Variants in GLI2 observed in about 807,000 individuals in gnomAD.
The protein encoded by GLI2 is GLI family zinc finger 2.
In GLI2, 22 loss-of-function variants were observed where a neutral mutation model predicts 78.9. The observed-to-expected ratio is 0.28, with a 90% CI of 0.20 to 0.40. GLI2 has a LOEUF of 0.40. GLI2 is among the 10% of genes least tolerant of loss of function. The pLI, the probability that GLI2 is intolerant of heterozygous loss-of-function variation, is 1.00. For missense variants in GLI2, 2,097 were observed against 2,213.2 expected (o/e 0.95, Z 1.05); for synonymous variants, 974 against 963.7 (o/e 1.01, Z -0.20).
At chr2:120,842,885 G>T (rs1686952547) in intron 2 of GLI2, among the ~76,000 whole-genome samples, 1 of 152,178 alleles carries the variant, frequency 6.6e-6, no homozygotes, top group Non-Finnish European at 1.5e-5. Context: ...TAGTTTTCTT[G>T]TTGTTTTTGA....
At chr2:120,974,456 G>A (rs1682347293) in intron 8 of GLI2, among the ~76,000 whole-genome samples, 1 of 152,202 alleles carries the variant, frequency 6.6e-6, no homozygotes, top group Admixed American at 6.5e-5. Flanking sequence ...CCTGTGATCA[G>A]GTCAAGGAAT....
intron 2 of GLI2, among the ~76,000 whole-genome samples, chr2:120,924,941 A>G (rs954740775): frequency 6.6e-6 from 1 of 152,236 alleles, no homozygotes; most frequent in Non-Finnish European, 1.5e-5. Flanking sequence ...CACCACAGCC[A>G]TGTAGGTAGT....
intron 1 of GLI2, among the ~76,000 whole-genome samples, chr2:120,781,898 C>T (rs1573372715): frequency 6.6e-6 from 1 of 150,668 alleles, no homozygotes; most frequent in African/African-American, 2.5e-5. Flanking sequence ...AAAAAAAGAA[C>T]ATTACCAAAA....
chr2:120,808,949 C>T (rs1164231947), intron 2 of GLI2, among the ~76,000 whole-genome samples: 1 of 152,178 alleles, frequency 6.6e-6, no homozygotes, highest in African/African-American at 2.4e-5. Context: ...GCCCACATGC[C>T]TGGCCCCCTG....
rs77590855 is a variant in GLI2, at chr2:120,815,407, A to C, written c.148+17939A>C. 3.4e-4 allele frequency among the ~76,000 whole-genome samples: 52 copies of C among 152,268 alleles called. No individual in the cohort carries two copies. In the East Asian group the frequency reaches 0.01, roughly 29 times the overall value. Reference sequence around the variant, plus strand: ...GATTCTGCCCAAAAGTTGGGGGCGGAAGTGAGAGTAAAAGCTGACTTGCTA... The same window carrying C: ...GATTCTGCCCAAAAGTTGGGGGCGGCAGTGAGAGTAAAAGCTGACTTGCTA... On this transcript the variant is annotated intron_variant, in intron 2 of 13. Transcript: ENST00000361492.
At chr2:120,746,583 C>A (rs1464540470) in intron 1 of GLI2, among the ~76,000 whole-genome samples, 1 of 152,160 alleles carries the variant, frequency 6.6e-6, no homozygotes, top group Non-Finnish European at 1.5e-5. Context: ...GAAGATCTAT[C>A]TCTTTGCTGG....
At position 120,918,531 on chromosome 2, in the gene GLI2, C is replaced by T. The variant is rs112441587; in HGVS notation, c.149-8830C>T. Among the ~76,000 whole-genome samples the T allele has an allele frequency of 2.2e-3, 340 of 151,482 alleles. 2 individuals are homozygous for T. The highest frequency in any genetic ancestry group is 8.0e-3 in the African/African-American group (328 of 41,242). Reference sequence around the variant, plus strand: ...TCTCAGCTCACTGCAACCTCCAGCTCCCAGGTTCAAGTTATTCTCCTGCCT... The same window carrying T: ...TCTCAGCTCACTGCAACCTCCAGCTTCCAGGTTCAAGTTATTCTCCTGCCT... On this transcript the variant is annotated intron_variant, in intron 2 of 13. Coordinates refer to ENST00000361492, the MANE Select transcript of GLI2 (RefSeq NM_001374353.1).
At chr2:120,926,723 C>T (rs780076663) in intron 2 of GLI2, among the ~76,000 whole-genome samples, 1 of 152,224 alleles carries the variant, frequency 6.6e-6, no homozygotes, top group Non-Finnish European at 1.5e-5. Context: ...GAAACTGACA[C>T]GCACGTGCTG....
chr2:120,778,223 G>A (rs1294975828), intron 1 of GLI2, among the ~76,000 whole-genome samples: 2 of 152,218 alleles, frequency 1.3e-5, no homozygotes, highest in East Asian at 1.9e-4. Context: ...TGGCCTCCTC[G>A]CTCCCGATTC....
At position 120,785,774 on chromosome 2, in the gene GLI2, G is replaced by C. The variant is rs565340889; in HGVS notation, c.-30-11517G>C. Among the ~76,000 whole-genome samples the C allele has an allele frequency of 6.6e-5, 10 of 152,318 alleles. No homozygotes were observed. In the South Asian group the frequency reaches 2.1e-3, roughly 32 times the overall value. On this transcript the variant is annotated intron_variant, in intron 1 of 13. Transcript: ENST00000361492. ...AAATTCCTGTCTCCATCCAATCATG[G>C]CATAACACTGTACTCCCTGGGGGTC...
intron 2 of GLI2, among the ~76,000 whole-genome samples, chr2:120,842,712 T>G (rs1686945379): frequency 6.6e-6 from 1 of 152,222 alleles, no homozygotes; most frequent in Non-Finnish European, 1.5e-5. Context: ...AACCTATAGT[T>G]ACAAGAATTT....
intron 2 of GLI2, among the ~76,000 whole-genome samples, chr2:120,859,114 G>C (rs907335753): frequency 2.6e-5 from 4 of 152,194 alleles, no homozygotes; most frequent in African/African-American, 9.7e-5. Context: ...CTAGGGCTGG[G>C]CTTCTGAAGT....
At chr2:120,920,336 C>G (rs756490766) in intron 2 of GLI2, among the ~76,000 whole-genome samples, 6 of 152,266 alleles carry the variant, frequency 3.9e-5, no homozygotes, top group Non-Finnish European at 5.9e-5. Flanking sequence ...CCTCCGGCTG[C>G]TGATGGAGGC....
chr2:120,922,515 G>T (rs1203893992), intron 2 of GLI2, among the ~76,000 whole-genome samples: 1 of 152,170 alleles, frequency 6.6e-6, no homozygotes, highest in Non-Finnish European at 1.5e-5. Context: ...ATGGATCATT[G>T]CTCTTATGGA....
intron 1 of GLI2, among the ~76,000 whole-genome samples, chr2:120,796,937 A>G (rs1471377913): frequency 6.6e-6 from 1 of 152,080 alleles, no homozygotes; most frequent in African/African-American, 2.4e-5. Flanking sequence ...CATTGTCACT[A>G]TATTTGTTTT....
intron 1 of GLI2, among the ~76,000 whole-genome samples, chr2:120,751,533 T>C (rs182590683): frequency 1.3e-5 from 2 of 152,354 alleles, no homozygotes; most frequent in Non-Finnish European, 2.9e-5. Flanking sequence ...ATAAATACTC[T>C]GAGATTATTA....
chr2:120,951,665 TG>T, intron 4 of GLI2: 2 of 547,382 alleles, frequency 3.7e-6, no homozygotes, highest in Non-Finnish European at 6.4e-6. Context: ...AAACCATATA[TG>T]ATCTATTGTA....
At chr2:120,921,631 T>C (rs1429473774) in intron 2 of GLI2, among the ~76,000 whole-genome samples, 2 of 152,196 alleles carry the variant, frequency 1.3e-5, no homozygotes, top group African/African-American at 2.4e-5. Context: ...CATGGCCACC[T>C]AGCGGCAGGG....
intron 3 of GLI2, among the ~76,000 whole-genome samples, chr2:120,951,012 C>T (rs1230478070): frequency 1.3e-5 from 2 of 152,214 alleles, no homozygotes; most frequent in Non-Finnish European, 2.9e-5. Context: ...AACTGGCCGG[C>T]GGGTGCACGC....
Sources: gnomAD v4.1 joint callset for allele counts (sites outside exome capture counted in the v4.1 genomes callset) on GRCh38, gnomAD v4.1.1 for gene constraint, MANE v1.5 for transcripts, NCBI Gene and HGNC (gene_info 2026-07-23, HGNC 2026-07-21) for gene names.